FILIP1L: variants seen among roughly 807,000 people sequenced by gnomAD.
FILIP1L encodes filamin A interacting protein 1 like, also known as filamin A-interacting protein 1-like.
In FILIP1L, 55 loss-of-function variants were observed where a neutral mutation model predicts 96.6. That is an observed-to-expected ratio of 0.57 (90% CI 0.46 to 0.71). The LOEUF (loss-of-function observed/expected upper bound fraction) is 0.71, where lower values mean the gene tolerates loss of function less well. Ranked by LOEUF, FILIP1L falls within the 30% of genes least tolerant of loss-of-function variation. FILIP1L has a pLI of 0.00. For missense variants in FILIP1L, 1,304 were observed against 1,321.2 expected, an observed-to-expected ratio of 0.99 and a Z score of 0.20; for synonymous variants, 467 against 473.9, an observed-to-expected ratio of 0.99 and a Z score of 0.19.
At chr3:99,896,443 T>A (rs1706255513) in intron 4 of FILIP1L, among the ~76,000 whole-genome samples, 1 of 152,178 alleles carries the variant, frequency 6.6e-6, no homozygotes, top group African/African-American at 2.4e-5. Context: ...TTTCTAGGCT[T>A]TGGGGATTTT....
chr3:99,886,373 C>T (rs545751108), intron 4 of FILIP1L, among the ~76,000 whole-genome samples: 1 of 151,352 alleles, frequency 6.6e-6, no homozygotes, highest in African/African-American at 2.4e-5. Flanking sequence ...ATCTCTTGTA[C>T]CATACATAAA....
intron 1 of FILIP1L, among the ~76,000 whole-genome samples, chr3:100,038,349 A>G (rs1440497468): frequency 3.9e-5 from 6 of 152,226 alleles, no homozygotes; most frequent in African/African-American, 1.4e-4. Context: ...TCCAAAAAAA[A>G]TTGCTTAACT....
At chr3:100,021,168 CAT>C (rs1426496720) in intron 1 of FILIP1L, among the ~76,000 whole-genome samples, 1 of 152,212 alleles carries the variant, frequency 6.6e-6, no homozygotes, top group East Asian at 1.9e-4. Context: ...ACTGCTCTCA[CAT>C]AGAACACACT....
intron 1 of FILIP1L, among the ~76,000 whole-genome samples, chr3:100,001,557 A>G (rs1423336707): frequency 6.6e-6 from 1 of 152,164 alleles, no homozygotes; most frequent in Non-Finnish European, 1.5e-5. Context: ...TGCTTTTCGT[A>G]GGAAGAAAGT....
chr3:100,099,380 A>G (rs754580809), intron 1 of FILIP1L, among the ~76,000 whole-genome samples: 1 of 152,222 alleles, frequency 6.6e-6, no homozygotes, highest in Non-Finnish European at 1.5e-5. Flanking sequence ...CGAGTAAGCT[A>G]TCACTTTCCA....
chr3:99,992,426 G>A (rs1160394783), intron 1 of FILIP1L, among the ~76,000 whole-genome samples: 1 of 152,048 alleles, frequency 6.6e-6, no homozygotes, highest in East Asian at 1.9e-4. Flanking sequence ...AATTAGTAAT[G>A]TTGAGAATTT....
At chr3:99,857,927 A>G (rs1487155606) in intron 4 of FILIP1L, among the ~76,000 whole-genome samples, 1 of 152,224 alleles carries the variant, frequency 6.6e-6, no homozygotes, top group Non-Finnish European at 1.5e-5. Context: ...CATTAGTACT[A>G]AGGCTATCCT....
At chr3:99,847,936 A>T (rs1943441200) in intron 5 of FILIP1L, 2 of 1,001,130 alleles carry the variant, frequency 2.0e-6, no homozygotes, top group Middle Eastern at 5.0e-4. Context: ...GGTAAAAATA[A>T]CAAATTATTT....
chr3:100,005,073 A>G (rs1709950367), intron 1 of FILIP1L, among the ~76,000 whole-genome samples: 1 of 152,244 alleles, frequency 6.6e-6, no homozygotes. Flanking sequence ...CCAGAAAGCC[A>G]GTAAAGGTTC....
chr3:99,902,731 A>G (rs1160341861), intron 4 of FILIP1L, among the ~76,000 whole-genome samples: 1 of 152,198 alleles, frequency 6.6e-6, no homozygotes, highest in Non-Finnish European at 1.5e-5. Flanking sequence ...AAAATCAGGC[A>G]TATCCATGTT....
At chr3:100,097,244 C>G (rs1172588480) in intron 1 of FILIP1L, among the ~76,000 whole-genome samples, 11 of 152,226 alleles carry the variant, frequency 7.2e-5, no homozygotes, top group Non-Finnish European at 1.6e-4. Flanking sequence ...AAACCACCAA[C>G]CATCCCATCC....
intron 1 of FILIP1L, among the ~76,000 whole-genome samples, chr3:100,064,742 G>T (rs762082839): frequency 6.6e-6 from 1 of 152,296 alleles, no homozygotes; most frequent in East Asian, 1.9e-4. Context: ...TCATCTGTAA[G>T]AACATTCTAA....
At chr3:100,075,370 A>G (rs2107386452) in intron 1 of FILIP1L, among the ~76,000 whole-genome samples, 1 of 152,348 alleles carries the variant, frequency 6.6e-6, no homozygotes, top group Non-Finnish European at 1.5e-5. Context: ...TTTACCCTAC[A>G]GGAGAGAAGG....
chr3:100,042,471 C>G (rs1390145249), intron 1 of FILIP1L, among the ~76,000 whole-genome samples: 5 of 152,310 alleles, frequency 3.3e-5, no homozygotes, highest in Admixed American at 2.0e-4. Flanking sequence ...GCTACAAGAT[C>G]TTTGTGCACC....
chr3:100,023,908 A>G (rs1481124751), intron 1 of FILIP1L, among the ~76,000 whole-genome samples: 2 of 152,190 alleles, frequency 1.3e-5, no homozygotes, highest in Non-Finnish European at 2.9e-5. Context: ...AAAACTGGGG[A>G]GAGAGGAGTA....
At chr3:99,866,205 G>T (rs1396016573) in intron 4 of FILIP1L, among the ~76,000 whole-genome samples, 4 of 151,078 alleles carry the variant, frequency 2.6e-5, no homozygotes, top group South Asian at 2.1e-4. Flanking sequence ...TTTTTATGTG[G>T]CTTTCTTACC....
At chr3:100,013,324 T>TC (rs927483366) in intron 1 of FILIP1L, among the ~76,000 whole-genome samples, 2 of 151,806 alleles carry the variant, frequency 1.3e-5, no homozygotes, top group Non-Finnish European at 2.9e-5. Context: ...GCTCACTGAA[T>TC]CCTCCACTTC....
intron 4 of FILIP1L, among the ~76,000 whole-genome samples, chr3:99,920,613 CTT>C (rs1707095244): frequency 6.6e-6 from 1 of 152,206 alleles, no homozygotes; most frequent in Non-Finnish European, 1.5e-5. Flanking sequence ...GCTAAGGAAA[CTT>C]TGCATTAACA....
chr3:99,885,073 A>ATGTTTGTTC (rs1402189659), intron 4 of FILIP1L, among the ~76,000 whole-genome samples: 1 of 152,214 alleles, frequency 6.6e-6, no homozygotes, highest in South Asian at 2.1e-4. Flanking sequence ...TTCAGCAGTC[A>ATGTTTGTTC]ACTATAGGCT....
Sources: allele counts gnomAD v4.1 joint callset (sites outside exome capture counted in the v4.1 genomes callset), GRCh38; gene constraint gnomAD v4.1.1; transcripts MANE v1.5; gene names NCBI Gene and HGNC (gene_info 2026-07-23, HGNC 2026-07-21).